Variants in DNM1L observed in about 807,000 individuals in gnomAD.
The protein encoded by DNM1L is dynamin 1L.
In DNM1L, 33 loss-of-function variants were observed where a neutral mutation model predicts 92.8. The ratio of observed to expected loss-of-function variants is 0.36; its 90% CI spans 0.27 to 0.48. DNM1L has a LOEUF of 0.48. Ranked by LOEUF, DNM1L falls within the 20% of genes least tolerant of loss-of-function variation. The probability of loss-of-function intolerance (pLI) is 0.99; values close to 1 mark genes in which losing one functional copy is unlikely to be tolerated. For synonymous variants in DNM1L, 284 were observed against 305.0 expected (o/e 0.93, Z 0.72); for missense variants, 485 against 888.8 (o/e 0.55, Z 5.78).
chr12:32,725,051 T>C (rs1034164038), intron 9 of DNM1L, among the ~76,000 whole-genome samples: 3 of 151,834 alleles, frequency 2.0e-5, no homozygotes. Context: ...ATTTTTTTTT[T>C]TAAAGCATCG....
At chr12:32,743,316 TATA>T (rs762941547) in intron 19 of DNM1L, 35 bp from the exon 20 acceptor site, 2 of 1,580,930 alleles carry the variant, frequency 1.3e-6, no homozygotes, top group South Asian at 2.2e-5. Context: ...TTCATAACTT[TATA>T]ATAAGCATTT....
intron 3 of DNM1L, 48 bp from the exon 4 acceptor site, chr12:32,708,103 CTT>C: frequency 8.7e-7 from 1 of 1,150,834 alleles, no homozygotes; most frequent in Non-Finnish European, 1.3e-6. Flanking sequence ...AGCTTAAGAA[CTT>C]TTGATCTTAT....
intron 13 of DNM1L, among the ~76,000 whole-genome samples, chr12:32,734,189 A>C (rs1003445249): frequency 1.3e-5 from 2 of 152,328 alleles, no homozygotes; most frequent in East Asian, 3.9e-4. Context: ...ATAAATTTGG[A>C]AAAGCAGAGT....
At chr12:32,707,708 G>C (rs1046487770) in intron 3 of DNM1L, among the ~76,000 whole-genome samples, 2 of 152,076 alleles carry the variant, frequency 1.3e-5, no homozygotes, top group Non-Finnish European at 2.9e-5. Context: ...CCAGTACTTA[G>C]GGAGGCTAAA....
At chr12:32,727,343 CCTAG>C in intron 9 of DNM1L, 1 of 796,116 alleles carries the variant, frequency 1.3e-6, no homozygotes, top group Non-Finnish European at 2.3e-6. Flanking sequence ...TTTTAACTAC[CCTAG>C]CTAGGCAGGT....
intron 2 of DNM1L, chr12:32,705,966 A>G (rs1162894424): frequency 9.1e-7 from 1 of 1,098,898 alleles, no homozygotes; most frequent in African/African-American, 1.6e-5. Context: ...TTCCATTTTT[A>G]TTTGCCCATC....
At chr12:32,724,686 AAT>A (rs1226240431) in intron 9 of DNM1L, among the ~76,000 whole-genome samples, 1 of 144,892 alleles carries the variant, frequency 6.9e-6, no homozygotes, top group East Asian at 2.0e-4. Context: ...TATATATAAT[AAT>A]ATATATAGAA....
At chr12:32,714,947 C>T (rs1055369923) in intron 6 of DNM1L, among the ~76,000 whole-genome samples, 2 of 151,986 alleles carry the variant, frequency 1.3e-5, no homozygotes, top group African/African-American at 4.8e-5. Context: ...TTGCAGTGAG[C>T]CGAGATCATG....
At chr12:32,687,766 T>C (rs1028078748) in intron 1 of DNM1L, among the ~76,000 whole-genome samples, 1 of 151,646 alleles carries the variant, frequency 6.6e-6, no homozygotes, top group African/African-American at 2.4e-5. Context: ...AGATTTATTA[T>C]ATGGGTTTAT....
chr12:32,739,226 C>G (rs1353501135), intron 16 of DNM1L, among the ~76,000 whole-genome samples: 3 of 152,084 alleles, frequency 2.0e-5, no homozygotes, highest in African/African-American at 7.2e-5. Context: ...CCATAATCCT[C>G]TATTAAACTT....
chr12:32,708,368 A>T, intron 4 of DNM1L, 144 bp downstream of exon 4: 1 of 588,376 alleles, frequency 1.7e-6, no homozygotes, highest in South Asian at 2.1e-5. Flanking sequence ...TTGTAAATTC[A>T]TAATGGACTT....
intron 2 of DNM1L, among the ~76,000 whole-genome samples, chr12:32,704,196 T>C (rs867478703): frequency 6.6e-6 from 1 of 151,874 alleles, no homozygotes; most frequent in Non-Finnish European, 1.5e-5. Flanking sequence ...GAAAAAAAAA[T>C]TTATTTTGGG....
chr12:32,684,624 AC>A (rs1951930300), intron 1 of DNM1L, among the ~76,000 whole-genome samples: 1 of 152,096 alleles, frequency 6.6e-6, no homozygotes, highest in Non-Finnish European at 1.5e-5. Context: ...GTGCTACCGC[AC>A]CCAGCTAATT....
intron 19 of DNM1L, among the ~76,000 whole-genome samples, 160 bp from the exon 20 acceptor site, chr12:32,743,194 C>T (rs571863711): frequency 9.2e-5 from 14 of 151,828 alleles, no homozygotes; most frequent in South Asian, 2.1e-4. Flanking sequence ...TGCGCCTGGC[C>T]GGTACTTGAT....
In DNM1L at chr12:32,731,966, A is replaced by G; in HGVS notation, c.1446+23A>G. 1 of 1,563,722 alleles carries G rather than the reference A, an allele frequency of 6.4e-7. No individual in the cohort carries two copies. The highest frequency in any genetic ancestry group is 2.2e-5 in the East Asian group (1 of 44,624). On this transcript the variant is annotated intron_variant, in intron 12 of 19. Transcript: ENST00000549701. The surrounding 1 kb of genome is among the most constrained non-coding windows in gnomAD (Gnocchi z 5.1). ...ATGGTGAGCTACTATAGCATAGATCATTGTAATTACTATTAGTAAAAGTTT... is the reference window on the plus strand; with the variant it reads ...ATGGTGAGCTACTATAGCATAGATCGTTGTAATTACTATTAGTAAAAGTTT...
At chr12:32,704,435 A>G (rs1952837705) in intron 2 of DNM1L, among the ~76,000 whole-genome samples, 1 of 151,850 alleles carries the variant, frequency 6.6e-6, no homozygotes, top group African/African-American at 2.4e-5. Flanking sequence ...CTGTAATCCC[A>G]GCTAATCGGG....
chr12:32,739,355 T>C (rs1308235292), intron 16 of DNM1L, among the ~76,000 whole-genome samples: 1 of 152,226 alleles, frequency 6.6e-6, no homozygotes, highest in African/African-American at 2.4e-5. Flanking sequence ...TCAAGACTAA[T>C]ACATTTTCTA....
chr12:32,717,341 CTATATATTATATATAG>C (rs1565517445), intron 6 of DNM1L, among the ~76,000 whole-genome samples: 5,363 of 82,856 alleles, frequency 0.065, 289 homozygotes, highest in African/African-American at 0.092. Flanking sequence ...TTTATATATA[CTATATATTATATATAG>C]TATATATAAT....
At chr12:32,681,280 A>G (rs1951791978) in intron 1 of DNM1L, among the ~76,000 whole-genome samples, 5 of 152,168 alleles carry the variant, frequency 3.3e-5, no homozygotes, top group Non-Finnish European at 5.9e-5. Context: ...TCAGTCTTTT[A>G]CTCAAGTACA....
Sources: allele counts gnomAD v4.1 joint callset (sites outside exome capture counted in the v4.1 genomes callset), GRCh38; gene constraint gnomAD v4.1.1; non-coding constraint Gnocchi (gnomAD v3.1); transcripts MANE v1.5; gene names NCBI Gene and HGNC (gene_info 2026-07-23, HGNC 2026-07-21).